The following CATSPERE variants were observed in gnomAD, a reference collection of about 807,000 sequenced individuals.
The protein encoded by CATSPERE is cation channel sperm-associated auxiliary subunit epsilon.
CATSPERE carries 93 observed loss-of-function variants against 114.1 expected under a neutral mutation model. That is an observed-to-expected ratio of 0.81 (90% CI 0.69 to 0.97). CATSPERE has a LOEUF of 0.97. Ranked by LOEUF, CATSPERE falls within the 50% of genes least tolerant of loss-of-function variation. CATSPERE has a pLI of 0.00. For missense variants in CATSPERE, 1,058 were observed against 1,131.6 expected (o/e 0.93, Z 0.93); for synonymous variants, 341 against 384.1 (o/e 0.89, Z 1.31).
At chr1:244,460,797 C>G (rs1313549257), upstream of CATSPERE, among the ~76,000 whole-genome samples, 1 of 152,216 alleles carries the variant, frequency 6.6e-6, no homozygotes, top group South Asian at 2.1e-4. Flanking sequence ...GCCTGTAATC[C>G]CAGCTACTCT....
chr1:244,465,480 C>T (rs944541133), intron 2 of CATSPERE, among the ~76,000 whole-genome samples: 40 of 152,154 alleles, frequency 2.6e-4, no homozygotes, highest in African/African-American at 8.2e-4. Context: ...TAGGCATTCA[C>T]ATTACTTTTT....
intron 2 of CATSPERE, among the ~76,000 whole-genome samples, chr1:244,467,893 C>T (rs1057285932): frequency 1.3e-5 from 2 of 152,084 alleles, no homozygotes; most frequent in East Asian, 1.9e-4. Context: ...TATTCCATAC[C>T]AGGCAAGAGG....
At chr1:244,530,490 T>C (rs1679415244) in intron 8 of CATSPERE, among the ~76,000 whole-genome samples, 1 of 152,236 alleles carries the variant, frequency 6.6e-6, no homozygotes, top group South Asian at 2.1e-4. Context: ...AGGATAGCTT[T>C]GGCTATTCTG....
At chr1:244,639,723 C>T (rs2819015) in intron 21 of CATSPERE, among the ~76,000 whole-genome samples, 150,629 of 151,468 alleles carry the variant, frequency 0.99, 74,905 homozygotes, top group Middle Eastern at 1. Flanking sequence ...CATTGCATCA[C>T]TGCATTGATC....
rs116453647 is a variant in CATSPERE at position 244,528,589 on chromosome 1, A to C, written c.536+9891A>C. Among the ~76,000 whole-genome samples, 1,431 of 152,280 alleles carry C rather than the reference A, an allele frequency of 9.4e-3. 25 individuals are homozygous for C. The highest frequency in any genetic ancestry group is 0.033 in the African/African-American group (1,364 of 41,544). ...TAGGCATACAATGTATAATAATCAT[A>C]TCAGGGTAAGTGGGGTATCCATCAC... On this transcript the variant is annotated intron_variant, in intron 8 of 21. Coordinates refer to ENST00000366534, the MANE Select transcript of CATSPERE (RefSeq NM_001130957.2).
Position 244,498,921 on chromosome 1 carries a change from T to C in CATSPERE, c.352-81T>C, listed in dbSNP as rs562627013. 1.7e-5 allele frequency: 18 copies of C among 1,030,396 alleles called. No individual in the cohort carries two copies. In the East Asian group the frequency reaches 3.8e-4, roughly 22 times the overall value. The allele number at this position is 1,030,396 out of a possible 1,614,324, so 63.8% of individuals were successfully genotyped here. A position where few individuals can be genotyped will look rare whatever the true frequency, so the allele number is the denominator to read the frequency against. On this transcript the variant is annotated intron_variant, in intron 6 of 21. Transcript: ENST00000366534. ...TCAAAAAAATAAAAAAATAAAAACATGTTTATGGTTATGTTTTGCCACAAC... is the reference window on the plus strand; with the variant it reads ...TCAAAAAAATAAAAAAATAAAAACACGTTTATGGTTATGTTTTGCCACAAC...
At chr1:244,554,271 C>T (rs1020877775) in intron 9 of CATSPERE, among the ~76,000 whole-genome samples, 8 of 152,156 alleles carry the variant, frequency 5.3e-5, no homozygotes, top group African/African-American at 1.9e-4. Context: ...TTTTTCATAG[C>T]GGTCGTACTA....
At chr1:244,603,511 T>C (rs986600656) in intron 17 of CATSPERE, among the ~76,000 whole-genome samples, 1 of 152,168 alleles carries the variant, frequency 6.6e-6, no homozygotes, top group African/African-American at 2.4e-5. Context: ...ACAAGTATTT[T>C]TTCAAATATA....
chr1:244,505,920 C>A (rs1247943137), intron 7 of CATSPERE, among the ~76,000 whole-genome samples: 1 of 152,102 alleles, frequency 6.6e-6, no homozygotes, highest in African/African-American at 2.4e-5. Context: ...GCAGGAGAAT[C>A]ACTTGAACCC....
In CATSPERE at chr1:244,572,319, CTT is replaced by C; in HGVS notation, c.1508-6_1508-5del. ...TACTTAGACTAACACAAACTTTTCT[CTT>C]TTTTCCAGATTATTATGGAGATATT... On this transcript the variant is annotated splice_polypyrimidine_tract_variant and intron_variant, in intron 10 of 21. Transcript: ENST00000366534. The C allele has an allele frequency of 7.5e-7, 1 of 1,326,892 alleles. No individual in the cohort carries two copies. The highest frequency in any genetic ancestry group is 2.5e-5 in the East Asian group (1 of 40,316). The allele number at this position is 1,326,892 out of a possible 1,614,324, so 82.2% of individuals were successfully genotyped here. A position where few individuals can be genotyped will look rare whatever the true frequency, so the allele number is the denominator to read the frequency against.
rs1440392342 is a variant in CATSPERE, at chr1:244,617,639, T to C, written c.2601T>C (p.His867=). 6.5e-7 allele frequency: 1 copy of C among 1,545,634 alleles called. No homozygotes were observed. The highest frequency in any genetic ancestry group is 2.5e-5 in the East Asian group (1 of 40,686). The change falls in exon 20 of 22, where the codon CAT becomes CAC. Residue 867 remains histidine, a synonymous_variant. Transcript: ENST00000366534. Reference sequence around the variant, plus strand: ...ACCATATATTTTGGCCCATGGGCCATTCTGGAATGTATGTATTTCGTGTGA... The same window carrying C: ...ACCATATATTTTGGCCCATGGGCCACTCTGGAATGTATGTATTTCGTGTGA... ...NGNHIFWPMG[H]SGMYVFRVKI... is the part of the protein sequence containing the mutation.
intron 20 of CATSPERE, among the ~76,000 whole-genome samples, chr1:244,635,096 C>T (rs2653153): frequency 0.88 from 134,534 of 152,274 alleles, 59,529 homozygotes; most frequent in East Asian, 0.92. Context: ...CTGCCCACCT[C>T]GGCCTCCCAA....
At chr1:244,479,183 T>C (rs961221713) in intron 4 of CATSPERE, among the ~76,000 whole-genome samples, 16 of 151,690 alleles carry the variant, frequency 1.1e-4, no homozygotes, top group African/African-American at 3.9e-4. Flanking sequence ...ATCCTCCGCC[T>C]CCTGGGTTCA....
chr1:244,584,065 A>G, intron 13 of CATSPERE, 126 bp downstream of exon 13: 2 of 615,580 alleles, frequency 3.2e-6, no homozygotes, highest in Non-Finnish European at 5.7e-6. Context: ...ACCTCCATAG[A>G]GTACCATCCT....
intron 5 of CATSPERE, among the ~76,000 whole-genome samples, chr1:244,488,027 T>C (rs112845496): frequency 5.9e-4 from 90 of 152,292 alleles, no homozygotes; most frequent in African/African-American, 2.1e-3. Flanking sequence ...TGAACAATTA[T>C]CATGTTAACA....
intron 2 of CATSPERE, among the ~76,000 whole-genome samples, chr1:244,464,605 C>T (rs564869239): frequency 3.9e-5 from 6 of 152,242 alleles, no homozygotes; most frequent in East Asian, 1.9e-4. Context: ...GATTGTTTCC[C>T]GAATGGCAGT....
chr1:244,488,921 C>T (rs915225550), intron 5 of CATSPERE, among the ~76,000 whole-genome samples: 1 of 152,134 alleles, frequency 6.6e-6, no homozygotes, highest in Non-Finnish European at 1.5e-5. Flanking sequence ...TCACTGCATA[C>T]TCATTTACTG....
At chr1:244,494,114 A>G (rs944831742) in intron 6 of CATSPERE, among the ~76,000 whole-genome samples, 9 of 152,180 alleles carry the variant, frequency 5.9e-5, no homozygotes, top group African/African-American at 9.7e-5. Flanking sequence ...ATATACCCAA[A>G]GGATTATAAA....
intron 17 of CATSPERE, among the ~76,000 whole-genome samples, chr1:244,599,634 AATCCTT>A (rs1468994103): frequency 3.3e-5 from 5 of 152,320 alleles, no homozygotes; most frequent in African/African-American, 1.2e-4. Flanking sequence ...CAAAGCTCGA[AATCCTT>A]ATCATGGAGT....
Sources: gnomAD v4.1 joint callset for allele counts (sites outside exome capture counted in the v4.1 genomes callset) on GRCh38, gnomAD v4.1.1 for gene constraint, MANE v1.5 for transcripts, NCBI Gene and HGNC (gene_info 2026-07-23, HGNC 2026-07-21) for gene names.